KCNIP4: variants seen among roughly 807,000 people sequenced by gnomAD.
KCNIP4 encodes the protein potassium voltage-gated channel interacting protein 4, also known as Kv channel-interacting protein 4.
In KCNIP4, 12 loss-of-function variants were observed where a neutral mutation model predicts 34.0. The observed-to-expected ratio is 0.35, with a 90% confidence interval of 0.23 to 0.57. The LOEUF (loss-of-function observed/expected upper bound fraction) is 0.57, where lower values mean the gene tolerates loss of function less well. Ranked by LOEUF, KCNIP4 falls within the 20% of genes least tolerant of loss-of-function variation. The probability of loss-of-function intolerance (pLI) is 0.83; values close to 1 mark genes in which losing one functional copy is unlikely to be tolerated. For missense variants in KCNIP4, 238 were observed against 311.7 expected, an observed-to-expected ratio of 0.76 and a Z score of 1.78; for synonymous variants, 124 against 102.2, an observed-to-expected ratio of 1.21 and a Z score of -1.29.
intron 1 of KCNIP4, among the ~76,000 whole-genome samples, chr4:21,880,575 T>C (rs1038013071): frequency 2.6e-5 from 4 of 152,230 alleles, no homozygotes; most frequent in Non-Finnish European, 4.4e-5. Flanking sequence ...GTCATTGTTA[T>C]ACAGGTTGAA....
At position 21,519,638 on chromosome 4, in the gene KCNIP4, ATG is replaced by A. The variant is rs1166655895; in HGVS notation, c.61+428931_61+428932del. 9.5e-5 allele frequency among the ~76,000 whole-genome samples: 9 copies of A among 94,462 alleles called. 1 individual carries two copies. The highest frequency in any genetic ancestry group is 4.1e-4 in the South Asian group (1 of 2,430). 62.0% of individuals were successfully genotyped at this position (94,462 alleles called of 152,430 possible). On this transcript the variant is annotated intron_variant, in intron 1 of 8. Coordinates refer to ENST00000382152, the MANE Select transcript of KCNIP4 (RefSeq NM_025221.6). ...TGTGTATGTATGTGTATATACACAA[ATG>A]TGTGTGTATGTATGTGTATATATAC...
At chr4:21,366,905 T>C (rs1472144389) in intron 1 of KCNIP4, among the ~76,000 whole-genome samples, 1 of 152,168 alleles carries the variant, frequency 6.6e-6, no homozygotes, top group African/African-American at 2.4e-5. Context: ...AACTTATATG[T>C]TGAAGTTTAA....
intron 1 of KCNIP4, among the ~76,000 whole-genome samples, chr4:21,883,549 T>A (rs531578892): frequency 1.3e-5 from 2 of 152,322 alleles, no homozygotes; most frequent in South Asian, 4.1e-4. Context: ...TCATGTGTGA[T>A]GAACCATTGC....
intron 3 of KCNIP4, among the ~76,000 whole-genome samples, chr4:20,776,400 G>C (rs1056414181): frequency 2.6e-5 from 4 of 152,020 alleles, no homozygotes; most frequent in Non-Finnish European, 5.9e-5. Context: ...CTCTACTTTC[G>C]GTTTCTTGTT....
intron 1 of KCNIP4, among the ~76,000 whole-genome samples, chr4:21,818,275 G>T (rs1722111673): frequency 6.6e-6 from 1 of 152,134 alleles, no homozygotes; most frequent in African/African-American, 2.4e-5. Flanking sequence ...ATGCCCCTCA[G>T]CTTCTCACTC....
chr4:21,519,807 G>A (rs1439880278), intron 1 of KCNIP4, among the ~76,000 whole-genome samples: 1 of 136,012 alleles, frequency 7.4e-6, no homozygotes, highest in Admixed American at 7.3e-5. Context: ...ACACGTGTGT[G>A]TATGTGTGTG....
intron 1 of KCNIP4, among the ~76,000 whole-genome samples, chr4:20,897,321 G>A (rs1560551808): frequency 6.6e-6 from 1 of 151,168 alleles, no homozygotes; most frequent in Non-Finnish European, 1.5e-5. Context: ...TGCCTGAAAT[G>A]TCTCCTCTCA....
chr4:21,616,052 C>T (rs35310146), intron 1 of KCNIP4, among the ~76,000 whole-genome samples: 23,238 of 152,092 alleles, frequency 0.15, 2,101 homozygotes, highest in South Asian at 0.21. Flanking sequence ...CAATAGCTCC[C>T]TATTTCTTTG....
At chr4:21,718,235 T>C (rs911906101) in intron 1 of KCNIP4, among the ~76,000 whole-genome samples, 9 of 152,190 alleles carry the variant, frequency 5.9e-5, no homozygotes, top group African/African-American at 2.2e-4. Context: ...CTGGTTAATA[T>C]AGCAGTTGCA....
chr4:20,937,584 G>A (rs1731211124), intron 1 of KCNIP4, among the ~76,000 whole-genome samples: 2 of 152,046 alleles, frequency 1.3e-5, no homozygotes, highest in Non-Finnish European at 2.9e-5. Flanking sequence ...AAGAAAAAAT[G>A]TGATCATAGG....
intron 3 of KCNIP4, among the ~76,000 whole-genome samples, chr4:20,822,958 T>C (rs1047870309): frequency 6.6e-6 from 1 of 152,062 alleles, no homozygotes; most frequent in African/African-American, 2.4e-5. Flanking sequence ...CACATAATTT[T>C]TCCCCTCCGG....
chr4:21,017,800 G>A (rs1739686137), intron 1 of KCNIP4, among the ~76,000 whole-genome samples: 1 of 152,034 alleles, frequency 6.6e-6, no homozygotes, highest in Admixed American at 6.5e-5. Flanking sequence ...TAATTTATAT[G>A]TCCACCAACA....
At chr4:21,316,743 G>A (rs559263829) in intron 1 of KCNIP4, among the ~76,000 whole-genome samples, 5 of 152,252 alleles carry the variant, frequency 3.3e-5, no homozygotes, top group South Asian at 2.1e-4. Context: ...AATGCAGAAC[G>A]TTCCAGGACA....
intron 1 of KCNIP4, among the ~76,000 whole-genome samples, chr4:21,930,396 T>C (rs1163797055): frequency 1.3e-5 from 2 of 152,186 alleles, no homozygotes; most frequent in Non-Finnish European, 2.9e-5. Flanking sequence ...TCTATGGAAC[T>C]GCCTCATAAT....
chr4:21,507,350 C>T (rs1184427125), intron 1 of KCNIP4, among the ~76,000 whole-genome samples: 3 of 151,586 alleles, frequency 2.0e-5, no homozygotes, highest in African/African-American at 4.8e-5. Context: ...CTGCAACCTC[C>T]ACCTCCCGGG....
intron 1 of KCNIP4, among the ~76,000 whole-genome samples, chr4:20,988,641 C>CAATGTAT (rs1227184944): frequency 5.3e-5 from 8 of 152,166 alleles, no homozygotes; most frequent in Non-Finnish European, 8.8e-5. Flanking sequence ...TCTTCAAATA[C>CAATGTAT]ATAGAATCAC....
intron 2 of KCNIP4, among the ~76,000 whole-genome samples, chr4:20,855,905 A>G (rs1721524059): frequency 6.6e-6 from 1 of 152,202 alleles, no homozygotes; most frequent in Admixed American, 6.5e-5. Flanking sequence ...GCTGACAAGG[A>G]TAAAATTGAT....
chr4:21,193,525 C>T (rs1231313388), intron 1 of KCNIP4, among the ~76,000 whole-genome samples: 3 of 151,350 alleles, frequency 2.0e-5, no homozygotes, highest in Non-Finnish European at 4.4e-5. Flanking sequence ...GTATGCAAAG[C>T]TCCCTGTAGC....
In KCNIP4 at chr4:21,049,102, T is replaced by C. The variant is rs377604405; in HGVS notation, c.62-166393A>G. On this transcript the variant is annotated intron_variant, in intron 1 of 8. Coordinates refer to ENST00000382152, the MANE Select transcript of KCNIP4 (RefSeq NM_025221.6). ...AGTAGCTGGGACTACAGGCGCCCGC[T>C]ACCACGCCCGGCTAATTTTTTGTAT... Among the ~76,000 whole-genome samples the C allele has an allele frequency of 1.7e-4, 26 of 151,054 alleles. No homozygotes were observed. In the East Asian group the frequency reaches 2.7e-3, roughly 16 times the overall value.
Sources: gnomAD v4.1 joint callset for allele counts (sites outside exome capture counted in the v4.1 genomes callset) on GRCh38, gnomAD v4.1.1 for gene constraint, MANE v1.5 for transcripts, NCBI Gene and HGNC (gene_info 2026-07-23, HGNC 2026-07-21) for gene names.